Variants in ELF1 observed in about 807,000 individuals in gnomAD.
ELF1 encodes the protein ETS-related transcription factor Elf-1.
A neutral mutation model predicts 59.9 loss-of-function variants in ELF1; 24 were observed. The ratio of observed to expected loss-of-function variants is 0.40; its 90% CI spans 0.29 to 0.56. The LOEUF (loss-of-function observed/expected upper bound fraction) is 0.56, where lower values mean the gene tolerates loss of function less well. Ranked by LOEUF, ELF1 falls within the 20% of genes least tolerant of loss-of-function variation. The probability of loss-of-function intolerance (pLI) is 0.44; values close to 1 mark genes in which losing one functional copy is unlikely to be tolerated. For missense variants in ELF1, 627 were observed against 742.2 expected (o/e 0.84, Z 1.80); for synonymous variants, 248 against 266.2 (o/e 0.93, Z 0.67).
chr13:40,970,532 T>C (rs952207003), intron 2 of ELF1, among the ~76,000 whole-genome samples: 6 of 152,248 alleles, frequency 3.9e-5, no homozygotes, highest in African/African-American at 1.4e-4. Flanking sequence ...GTGTTATCTT[T>C]ACATTGTATT....
At position 41,048,717 on chromosome 13, in the gene ELF1, G is replaced by C. The variant is rs914948018; in HGVS notation, c.-229+12121C>G. Among the ~76,000 whole-genome samples the C allele has an allele frequency of 3.3e-5, 5 of 151,584 alleles. No individual in the cohort carries two copies. The South Asian group carries it at 1.0e-3, about 31-fold the overall frequency. On this transcript the variant is annotated intron_variant, in intron 1 of 1. Coordinates refer to the ELF1 transcript ENST00000405737. Reference sequence around the variant, plus strand: ...TGTGAGCTACTACGCCTAGCCGAAGGTATTTTTTTAATTCAAGTTTTTCCT... The same window carrying C: ...TGTGAGCTACTACGCCTAGCCGAAGCTATTTTTTTAATTCAAGTTTTTCCT...
chr13:40,981,646 A>G (rs1295518904), intron 2 of ELF1, among the ~76,000 whole-genome samples: 1 of 152,106 alleles, frequency 6.6e-6, no homozygotes, highest in Non-Finnish European at 1.5e-5. Flanking sequence ...TTAATTAACC[A>G]CATACATTAA....
At chr13:41,026,632 G>A (rs1875938165) in intron 1 of ELF1, among the ~76,000 whole-genome samples, 1 of 152,140 alleles carries the variant, frequency 6.6e-6, no homozygotes, top group African/African-American at 2.4e-5. Context: ...TTGAGAGACA[G>A]CTCTTGACCT....
intron 1 of ELF1, among the ~76,000 whole-genome samples, chr13:41,036,423 C>A (rs1170624682): frequency 6.6e-6 from 1 of 152,188 alleles, no homozygotes; most frequent in African/African-American, 2.4e-5. Flanking sequence ...TCTCTCCCTC[C>A]ACACTTGAAG....
chr13:41,043,818 G>GT (rs1165295504), intron 1 of ELF1, among the ~76,000 whole-genome samples: 58 of 152,272 alleles, frequency 3.8e-4, no homozygotes, highest in African/African-American at 1.4e-3. Flanking sequence ...CTTTAAAGTA[G>GT]TTTTTTCCAA....
intron 1 of ELF1, among the ~76,000 whole-genome samples, chr13:40,995,092 T>G (rs1269997121): frequency 6.6e-6 from 1 of 152,184 alleles, no homozygotes; most frequent in Non-Finnish European, 1.5e-5. Context: ...GTTTCACTCT[T>G]ACACGGAGGC....
intron 5 of ELF1, among the ~76,000 whole-genome samples, 177 bp from the exon 6 acceptor site, chr13:40,944,102 T>C (rs1162637230): frequency 6.6e-6 from 1 of 152,210 alleles, no homozygotes; most frequent in African/African-American, 2.4e-5. Context: ...TAATAAAACT[T>C]GGACATTAAT....
At chr13:41,015,601 C>T (rs180847614) in intron 1 of ELF1, among the ~76,000 whole-genome samples, 48 of 152,208 alleles carry the variant, frequency 3.2e-4, no homozygotes, top group African/African-American at 1.0e-3. Context: ...GTAAAAAATG[C>T]TGATTGTTTA....
chr13:41,002,128 G>A (rs1874484931), intron 1 of ELF1, among the ~76,000 whole-genome samples: 1 of 152,098 alleles, frequency 6.6e-6, no homozygotes, highest in South Asian at 2.1e-4. Context: ...AATAGGTACA[G>A]ATAAATCCAA....
intron 3 of ELF1, among the ~76,000 whole-genome samples, chr13:40,954,577 G>A (rs1276901162): frequency 1.3e-5 from 2 of 151,950 alleles, no homozygotes; most frequent in African/African-American, 4.8e-5. Context: ...CCTGCCGAGT[G>A]CCTGCGATTG....
At chr13:40,958,786 T>C in intron 3 of ELF1, 50 bp downstream of exon 3, 1 of 1,538,034 alleles carries the variant, frequency 6.5e-7, no homozygotes, top group Non-Finnish European at 8.7e-7. Flanking sequence ...ATTAGGACAC[T>C]GCCTAAAGCT....
At chr13:40,970,050 CATT>C (rs1329725627) in intron 2 of ELF1, among the ~76,000 whole-genome samples, 11 of 152,298 alleles carry the variant, frequency 7.2e-5, no homozygotes, top group East Asian at 1.9e-4. Flanking sequence ...AAAAAATCTA[CATT>C]ATTACCATTC....
chr13:40,952,368 CTT>C (rs35141791), intron 3 of ELF1, among the ~76,000 whole-genome samples: 1 of 146,222 alleles, frequency 6.8e-6, no homozygotes. Flanking sequence ...TTTGGTTTTG[CTT>C]TTTTTTTTTG....
At chr13:40,996,060 T>G (rs934892917) in intron 1 of ELF1, among the ~76,000 whole-genome samples, 7 of 152,120 alleles carry the variant, frequency 4.6e-5, no homozygotes, top group African/African-American at 1.4e-4. Context: ...GATTAGCATA[T>G]GAAAAGAAGC....
At chr13:41,017,686 T>C (rs1875487675) in intron 1 of ELF1, among the ~76,000 whole-genome samples, 1 of 152,090 alleles carries the variant, frequency 6.6e-6, no homozygotes, top group South Asian at 2.1e-4. Context: ...GCTTCTTAAA[T>C]TTAAGAAACC....
chr13:41,008,520 T>C (rs1874873781), intron 1 of ELF1, among the ~76,000 whole-genome samples: 1 of 151,990 alleles, frequency 6.6e-6, no homozygotes, highest in Non-Finnish European at 1.5e-5. Context: ...TATGTCAACA[T>C]TTGCAATACC....
At chr13:41,008,702 G>C (rs979086976) in intron 1 of ELF1, among the ~76,000 whole-genome samples, 4 of 152,148 alleles carry the variant, frequency 2.6e-5, no homozygotes, top group African/African-American at 7.2e-5. Flanking sequence ...AGCATTTGTT[G>C]ATGAGCTTTG....
At chr13:41,022,634 A>G (rs1330392149), upstream of ELF1, among the ~76,000 whole-genome samples, 2 of 152,228 alleles carry the variant, frequency 1.3e-5, no homozygotes, top group East Asian at 1.9e-4. Flanking sequence ...TAATCCCAGC[A>G]CTTTGGGAGG....
At position 40,962,238 on chromosome 13, in the gene ELF1, C is replaced by T. The variant is rs538286236; in HGVS notation, c.73-3222G>A. 3.3e-5 allele frequency among the ~76,000 whole-genome samples: 5 copies of T among 152,216 alleles called. No homozygotes were observed. In the East Asian group the frequency reaches 9.6e-4, roughly 29 times the overall value. ...CAGGCATACTCCAAATTGCTTTAAA[C>T]AATCATAATTAAATTCAGTTTAAAT... On this transcript the variant is annotated intron_variant, in intron 2 of 8. Transcript: ENST00000239882.
Sources: gnomAD v4.1 joint callset for allele counts (sites outside exome capture counted in the v4.1 genomes callset) on GRCh38, gnomAD v4.1.1 for gene constraint, MANE v1.5 for transcripts, NCBI Gene and HGNC (gene_info 2026-07-23, HGNC 2026-07-21) for gene names.